CYB5D1: variants seen among roughly 807,000 people sequenced by gnomAD.
The protein encoded by CYB5D1 is cytochrome b5 domain-containing protein 1.
CYB5D1 carries 30 observed loss-of-function variants against 24.3 expected under a neutral mutation model. That is an observed-to-expected ratio of 1.23 (90% CI 0.92 to 1.67). The LOEUF (loss-of-function observed/expected upper bound fraction) is 1.67, where lower values mean the gene tolerates loss of function less well. Ranked by LOEUF, CYB5D1 falls within the 40% of genes most tolerant of loss-of-function variation. CYB5D1 has a pLI of 0.00. For synonymous variants in CYB5D1, 128 were observed against 123.2 expected (o/e 1.04, Z -0.26); for missense variants, 265 against 296.7 (o/e 0.89, Z 0.79).
chr17:7,858,342 C>T (rs2078850761), intron 1 of CYB5D1, 48 bp downstream of exon 1: 2 of 1,613,970 alleles, frequency 1.2e-6, no homozygotes, highest in East Asian at 2.2e-5. Context: ...TGTGTGCACG[C>T]GCGCGTTTGC....
Position 7,861,929 on chromosome 17 carries a change from G to A in CYB5D1, c.*2317G>A, listed in dbSNP as rs753478621. On this transcript the variant is annotated 3_prime_UTR_variant, in exon 4 of 4. Coordinates refer to ENST00000332439, the MANE Select transcript of CYB5D1 (RefSeq NM_144607.6). ...GCAACACCCCTCTTTGTTCTCTATG[G>A]CCTAGACACACTGGCTTTCAGTTCA... The A allele has an allele frequency of 2.0e-5, 3 of 152,120 alleles. No individual in the cohort carries two copies. Among genetic ancestry groups the A allele is most frequent in the Non-Finnish European group, 4.4e-5 (3 of 68,034 alleles). The allele number at this position is 152,120 out of a possible 1,614,324, so 9.4% of individuals were successfully genotyped here.
Position 7,858,087 on chromosome 17 carries a change from G to A in CYB5D1, c.-48G>A. The A allele has an allele frequency of 6.2e-7, 1 of 1,608,032 alleles. No homozygotes were observed. Among genetic ancestry groups the A allele is most frequent in the Non-Finnish European group, 8.5e-7 (1 of 1,178,530 alleles). ...CGTAGTAGTAGTGAGTACGTGCTGA[G>A]GAGCAAAGGAGTAACCAAGAGATCC... On this transcript the variant is annotated 5_prime_UTR_variant, in exon 1 of 4. Coordinates refer to ENST00000332439, the MANE Select transcript of CYB5D1 (RefSeq NM_144607.6).
At position 7,858,298 on chromosome 17, in the gene CYB5D1, AGGGCCACACGTTGGGCCGGG is replaced by A. The variant is rs763154574; in HGVS notation, c.160+6_160+25del. ...TCATTGGCACAGGAATACAAGGGTA[AGGGCCACACGTTGGGCCGGG>A]GCCGGAGTGTGTGTGTGTGCACGCG... is the stretch of plus-strand genomic sequence containing the variant. On this transcript the variant is annotated splice_donor_5th_base_variant and intron_variant, in intron 1 of 3. Coordinates refer to ENST00000332439, the MANE Select transcript of CYB5D1 (RefSeq NM_144607.6). 1 of 1,613,974 alleles carries A rather than the reference AGGGCCACACGTTGGGCCGGG, an allele frequency of 6.2e-7. No homozygotes were observed. The highest frequency in any genetic ancestry group is 1.1e-5 in the South Asian group (1 of 91,080).
rs1344487138 is a variant in CYB5D1 at position 7,858,425 on chromosome 17, C to T, written c.183C>T (p.Ile61=). 2 of 1,614,162 alleles carry T rather than the reference C, an allele frequency of 1.2e-6. No homozygotes were observed. Among genetic ancestry groups the T allele is most frequent in the South Asian group, 1.1e-5 (1 of 91,086 alleles). ...AAGGGAACCTGCTGCTGAAACCCAT[C>T]GTGGAAGTTGCAGGCCAGGATATCA... ...EYKGNLLLKP[I]VEVAGQDISH... Residue 61 remains isoleucine, a synonymous_variant, in exon 2 of 4, where the codon ATC becomes ATT. Coordinates refer to ENST00000332439, the MANE Select transcript of CYB5D1 (RefSeq NM_144607.6).
chr17:7,859,801 A>G lies in CYB5D1; in HGVS notation c.*189A>G. On this transcript the variant is annotated 3_prime_UTR_variant, in exon 4 of 4. Transcript: ENST00000332439. Reference sequence around the variant, plus strand: ...CCTTCATTACAGTTTGCTCTGAGAAAATTAGTGAATTAATCTTTGGGAATG... The same window carrying G: ...CCTTCATTACAGTTTGCTCTGAGAAGATTAGTGAATTAATCTTTGGGAATG... The G allele has an allele frequency of 1.7e-6, 1 of 586,750 alleles. No homozygotes were observed. The highest frequency in any genetic ancestry group is 3.0e-6 in the Non-Finnish European group (1 of 329,024). The allele number at this position is 586,750 out of a possible 1,614,324, so 36.3% of individuals were successfully genotyped here.
Position 7,858,040 on chromosome 17 carries a change from G to T in CYB5D1, c.-95G>T, listed in dbSNP as rs2078846022. ...GTCAGCGGATAAACGCTCTCCCCTC[G>T]GCTCCCGGACGCGACGGAGGTCGTA... On this transcript the variant is annotated 5_prime_UTR_variant, in exon 1 of 4. Coordinates refer to ENST00000332439, the MANE Select transcript of CYB5D1 (RefSeq NM_144607.6). 2 of 1,554,476 alleles carry T rather than the reference G, an allele frequency of 1.3e-6. No individual in the cohort carries two copies. The highest frequency in any genetic ancestry group is 2.3e-5 in the East Asian group (1 of 44,348).
At chr17:7,859,153 T>G in intron 3 of CYB5D1, 1 of 598,290 alleles carries the variant, frequency 1.7e-6, no homozygotes, top group East Asian at 2.8e-5. Context: ...ATGGATATAG[T>G]GAGGGGACAG....
intron 3 of CYB5D1, chr17:7,859,151 A>C: frequency 1.7e-6 from 1 of 597,696 alleles, no homozygotes; most frequent in Non-Finnish European, 3.0e-6. Context: ...GCATGGATAT[A>C]GTGAGGGGAC....
At chr17:7,859,329 A>G (rs1027483022) in intron 3 of CYB5D1, 53 bp from the exon 4 acceptor site, 3 of 1,433,210 alleles carry the variant, frequency 2.1e-6, no homozygotes, top group South Asian at 2.3e-5. Context: ...CAGCGTGTGT[A>G]TATGTATACT....
Position 7,860,088 on chromosome 17 carries a change from G to A in CYB5D1, c.*476G>A, listed in dbSNP as rs1488835678. ...CAGCTGAAACCCAAGGGAAAGAAAG[G>A]AAGTGCGTCATTATAGGCAATTCAG... On this transcript the variant is annotated 3_prime_UTR_variant, in exon 4 of 4. Coordinates refer to ENST00000332439, the MANE Select transcript of CYB5D1 (RefSeq NM_144607.6). The A allele has an allele frequency of 1.7e-5, 3 of 176,264 alleles. No homozygotes were observed. The East Asian group carries it at 4.7e-4, about 28-fold the overall frequency. The allele number at this position is 176,264 out of a possible 1,614,324, so 10.9% of individuals were successfully genotyped here.
At position 7,861,629 on chromosome 17, in the gene CYB5D1, C is replaced by T. The variant is rs1331659511; in HGVS notation, c.*2017C>T. On this transcript the variant is annotated 3_prime_UTR_variant, in exon 4 of 4. Coordinates refer to ENST00000332439, the MANE Select transcript of CYB5D1 (RefSeq NM_144607.6). ...CTTGCTAGAAACACATCCCTTTCCT[C>T]ACACATCCAGTCACTCATCAAGTGT... is the stretch of plus-strand genomic sequence containing the variant. The T allele has an allele frequency of 6.6e-6, 1 of 152,208 alleles. No individual in the cohort carries two copies. The highest frequency in any genetic ancestry group is 2.4e-5 in the African/African-American group (1 of 41,440). The allele number at this position is 152,208 out of a possible 1,614,324, so 9.4% of individuals were successfully genotyped here. A position where few individuals can be genotyped will look rare whatever the true frequency, so the allele number is the denominator to read the frequency against.
chr17:7,858,712 AT>A lies in CYB5D1; in HGVS notation c.348del (p.Phe116LeufsTer70). ...PQLPCSDWAN[D>X]FGKPWWQGSY... ...CTGCCCTGTTCGGACTGGGCCAACG[AT>A]TTTGGGAAGCCCTGGTGGCAGGGGT... On this transcript the variant is annotated frameshift_variant, in exon 3 of 4. Coordinates refer to ENST00000332439, the MANE Select transcript of CYB5D1 (RefSeq NM_144607.6). LOFTEE classifies it high-confidence loss of function. 1.2e-6 allele frequency: 2 copies of A among 1,610,350 alleles called. No homozygotes were observed. Among genetic ancestry groups the A allele is most frequent in the Non-Finnish European group, 1.7e-6 (2 of 1,178,038 alleles).
Position 7,861,714 on chromosome 17 carries a change from T to C in CYB5D1, c.*2102T>C, listed in dbSNP as rs1055926269. The C allele has an allele frequency of 8.5e-5, 13 of 152,212 alleles. No homozygotes were observed. Among genetic ancestry groups the C allele is most frequent in the African/African-American group, 2.2e-4 (9 of 41,454 alleles). The allele number at this position is 152,212 out of a possible 1,614,324, so 9.4% of individuals were successfully genotyped here. ...CTTTTCTCCAAGTTACCATCACCTC[T>C]TGTCTAAACTGCTACGGAAACTTCC... is the stretch of plus-strand genomic sequence containing the variant. On this transcript the variant is annotated 3_prime_UTR_variant, in exon 4 of 4. Transcript: ENST00000332439.
Position 7,859,726 on chromosome 17 carries a change from C to A in CYB5D1, c.*114C>A. On this transcript the variant is annotated 3_prime_UTR_variant, in exon 4 of 4. Coordinates refer to ENST00000332439, the MANE Select transcript of CYB5D1 (RefSeq NM_144607.6). ...TGCCTGGACCCAGATCTCCACTCCT[C>A]TCCAGGAGCTAGCCTGTGCCCTTCT... 2 of 862,772 alleles carry A rather than the reference C, an allele frequency of 2.3e-6. No individual in the cohort carries two copies. The highest frequency in any genetic ancestry group is 1.9e-6 in the Non-Finnish European group (1 of 529,468). 53.4% of individuals were successfully genotyped at this position (862,772 alleles called of 1,614,324 possible).
rs1412508131 is a variant in CYB5D1, at chr17:7,860,298, C to A, written c.*686C>A. On this transcript the variant is annotated 3_prime_UTR_variant, in exon 4 of 4. Coordinates refer to ENST00000332439, the MANE Select transcript of CYB5D1 (RefSeq NM_144607.6). ...CCTTGAGTAGCTGGGACTTCAGGTG[C>A]ACGCCACAATGCCTAATTTTTTAAT... is the stretch of plus-strand genomic sequence containing the variant. 1 of 152,170 alleles carries A rather than the reference C, an allele frequency of 6.6e-6. No individual in the cohort carries two copies. Among genetic ancestry groups the A allele is most frequent in the African/African-American group, 2.4e-5 (1 of 41,366 alleles). 9.4% of individuals were successfully genotyped at this position (152,170 alleles called of 1,614,324 possible). A position where few individuals can be genotyped will look rare whatever the true frequency, so the allele number is the denominator to read the frequency against.
At position 7,858,390 on chromosome 17, in the gene CYB5D1, TGC is replaced by T. The variant is rs1382035653; in HGVS notation, c.161-12_161-11del. On this transcript the variant is annotated splice_polypyrimidine_tract_variant and intron_variant, in intron 1 of 3. Coordinates refer to ENST00000332439, the MANE Select transcript of CYB5D1 (RefSeq NM_144607.6). ...GGGCTGGCATTGACAGTGGCTGTGC[TGC>T]TCTTTTCAAGGGAACCTGCTGCTGA... 20 of 1,613,994 alleles carry T rather than the reference TGC, an allele frequency of 1.2e-5. No homozygotes were observed. Among genetic ancestry groups the T allele is most frequent in the Non-Finnish European group, 1.4e-5 (16 of 1,180,034 alleles).
Position 7,858,105 on chromosome 17 carries a change from A to T in CYB5D1, c.-30A>T. 6.2e-7 allele frequency: 1 copy of T among 1,612,012 alleles called. No homozygotes were observed. The highest frequency in any genetic ancestry group is 8.5e-7 in the Non-Finnish European group (1 of 1,179,618). On this transcript the variant is annotated 5_prime_UTR_variant, in exon 1 of 4. It adds an upstream start codon to the 5' untranslated region. Transcript: ENST00000332439. ...GTGCTGAGGAGCAAAGGAGTAACCA[A>T]GAGATCCAGTGACCGACAGAGCAAG... is the stretch of plus-strand genomic sequence containing the variant.
chr17:7,861,336 G>A lies in CYB5D1; in HGVS notation c.*1724G>A, dbSNP rs368717326. On this transcript the variant is annotated 3_prime_UTR_variant, in exon 4 of 4. Transcript: ENST00000332439. ...AGGTGGAAACATTGCTGTTGGCTTC[G>A]GCAGTATCTGAATTTACTGTGAGAT... The A allele has an allele frequency of 1.1e-4, 17 of 152,106 alleles. No homozygotes were observed. The highest frequency in any genetic ancestry group is 1.9e-4 in the East Asian group (1 of 5,196). The allele number at this position is 152,106 out of a possible 1,614,324, so 9.4% of individuals were successfully genotyped here.
In CYB5D1 at chr17:7,858,413, G is replaced by T; in HGVS notation, c.171G>T (p.Leu57=). 3 of 1,614,166 alleles carry T rather than the reference G, an allele frequency of 1.9e-6. No homozygotes were observed. The highest frequency in any genetic ancestry group is 2.5e-6 in the Non-Finnish European group (3 of 1,180,038). The change falls in exon 2 of 4, where the codon CTG becomes CTT. Residue 57 remains leucine (L), a synonymous_variant. Coordinates refer to ENST00000332439, the MANE Select transcript of CYB5D1 (RefSeq NM_144607.6). ...SLAQEYKGNL[L]LKPIVEVAGQ... is the part of the protein sequence containing the mutation. ...GCTGCTCTTTTCAAGGGAACCTGCT[G>T]CTGAAACCCATCGTGGAAGTTGCAG... is the stretch of plus-strand genomic sequence containing the variant.
Sources: allele counts gnomAD v4.1 joint callset, GRCh38; gene constraint gnomAD v4.1.1; transcripts MANE v1.5; gene names NCBI Gene and HGNC (gene_info 2026-07-23, HGNC 2026-07-21).